The following MOB2 variants were observed in gnomAD, a reference collection of about 807,000 sequenced individuals.
The protein encoded by MOB2 is MOB kinase activator 2.
Under a neutral mutation model 27.4 loss-of-function variants are expected in MOB2, and 14 were observed. The observed-to-expected ratio is 0.51, with a 90% CI of 0.34 to 0.80. The LOEUF (loss-of-function observed/expected upper bound fraction) is 0.80. MOB2 is among the 30% of genes least tolerant of loss of function. The probability of loss-of-function intolerance (pLI) is 0.01; values close to 1 mark genes in which losing one functional copy is unlikely to be tolerated. For synonymous variants in MOB2, 167 were observed against 151.8 expected, an observed-to-expected ratio of 1.10 and a Z score of -0.74; for missense variants, 304 against 354.6, an observed-to-expected ratio of 0.86 and a Z score of 1.15.
intron 3 of MOB2, chr11:1,472,379 A>G (rs11029890): frequency 0.62 from 93,883 of 152,268 alleles, 29,890 homozygotes; most frequent in African/African-American, 0.74. Flanking sequence ...AGCCAACACT[A>G]TGGGTCGGGA....
At chr11:1,477,823 A>G (rs1350923125) in intron 3 of MOB2, among the ~76,000 whole-genome samples, 1 of 152,228 alleles carries the variant, frequency 6.6e-6, no homozygotes, top group Non-Finnish European at 1.5e-5. Context: ...TGTAAACACC[A>G]GAGAGTTGGT....
chr11:1,471,130 C>G (rs560856698), intron 4 of MOB2, among the ~76,000 whole-genome samples, 165 bp downstream of exon 4: 1 of 152,368 alleles, frequency 6.6e-6, no homozygotes, highest in Admixed American at 6.5e-5. Context: ...CCGGCCTCAC[C>G]CCACAGCCCA....
At chr11:1,471,556 C>A (rs1401234186) in intron 3 of MOB2, 137 bp from the exon 4 acceptor site, 3 of 1,026,942 alleles carry the variant, frequency 2.9e-6, no homozygotes, top group Non-Finnish European at 4.3e-6. Context: ...GTCTCCCTCC[C>A]TGGACATGCA....
At chr11:1,483,770 C>T (rs1385517596) in intron 1 of MOB2, among the ~76,000 whole-genome samples, 1 of 152,242 alleles carries the variant, frequency 6.6e-6, no homozygotes, top group Non-Finnish European at 1.5e-5. Context: ...CAGTCGGCCT[C>T]CTTGGCACCC....
intron 3 of MOB2, among the ~76,000 whole-genome samples, chr11:1,478,720 G>T (rs1009683728): frequency 6.6e-6 from 1 of 152,218 alleles, no homozygotes; most frequent in African/African-American, 2.4e-5. Context: ...TTTGTGGGAA[G>T]TTCTCAGCCA....
intron 3 of MOB2, 88 bp downstream of exon 3, chr11:1,480,305 C>T (rs1020979601): frequency 8.1e-7 from 1 of 1,237,206 alleles, no homozygotes; most frequent in Non-Finnish European, 1.2e-6. Context: ...AGAACGGAAT[C>T]TGAGAGGACA....
At chr11:1,477,015 A>G (rs1847859158) in intron 3 of MOB2, among the ~76,000 whole-genome samples, 1 of 152,124 alleles carries the variant, frequency 6.6e-6, no homozygotes, top group East Asian at 1.9e-4. Flanking sequence ...CTTGGTGGCT[A>G]ATCTTTGTGA....
chr11:1,477,104 G>T (rs1269749653), intron 3 of MOB2, among the ~76,000 whole-genome samples: 1 of 152,136 alleles, frequency 6.6e-6, no homozygotes, highest in South Asian at 2.1e-4. Flanking sequence ...GGGGTCATCG[G>T]GCTCCGTGCT....
At chr11:1,479,385 C>T (rs1847885299) in intron 3 of MOB2, among the ~76,000 whole-genome samples, 1 of 152,256 alleles carries the variant, frequency 6.6e-6, no homozygotes, top group Admixed American at 6.5e-5. Flanking sequence ...GCCATAAGCA[C>T]TGTCCCCATC....
intron 3 of MOB2, among the ~76,000 whole-genome samples, chr11:1,478,254 C>T (rs746071215): frequency 5.3e-5 from 8 of 152,310 alleles, no homozygotes; most frequent in Middle Eastern, 3.4e-3. Flanking sequence ...GCCCTGGGAA[C>T]GGCACTGCAC....
rs1564911054 is a variant in MOB2, at chr11:1,480,950, G to T, written c.111-65C>A. On this transcript the variant is annotated intron_variant, in intron 1 of 4. Transcript: ENST00000329957. ...ATCAGACCCAGGGTCTGCCCGGGGGGTCAGTTGTGGCCAGCGCAGGTGTAG... is the reference window on the plus strand; with the variant it reads ...ATCAGACCCAGGGTCTGCCCGGGGGTTCAGTTGTGGCCAGCGCAGGTGTAG... 6 of 1,532,330 alleles carry T rather than the reference G, an allele frequency of 3.9e-6. No homozygotes were observed. In the African/African-American group the frequency reaches 8.2e-5, roughly 21 times the overall value. The allele number at this position is 1,532,330 out of a possible 1,614,324, so 94.9% of individuals were successfully genotyped here.
chr11:1,486,753 T>G lies in MOB2; in HGVS notation c.-197A>C, dbSNP rs1590769718. 1.8e-6 allele frequency: 1 copy of G among 569,306 alleles called. No individual in the cohort carries two copies. The highest frequency in any genetic ancestry group is 3.1e-6 in the Non-Finnish European group (1 of 317,690). The allele number at this position is 569,306 out of a possible 1,614,324, so 35.3% of individuals were successfully genotyped here. On this transcript the variant is annotated 5_prime_UTR_variant, in exon 1 of 5. Transcript: ENST00000329957. ...ACGAGGGAGCGTCTGAATTGGCCTT[T>G]TCCAAGTGGCATGGCTGCCAGAAGA... is the stretch of plus-strand genomic sequence containing the variant.
At chr11:1,481,006 C>A (rs979781985) in intron 1 of MOB2, 121 bp from the exon 2 acceptor site, 1 of 1,212,614 alleles carries the variant, frequency 8.2e-7, no homozygotes, top group Non-Finnish European at 1.1e-6. Context: ...CGGGGCGACA[C>A]TGCCTCCCTG....
chr11:1,486,030 G>A (rs755661138), intron 1 of MOB2, among the ~76,000 whole-genome samples: 170 of 152,354 alleles, frequency 1.1e-3, no homozygotes, highest in Non-Finnish European at 1.9e-3. Context: ...ACAAACAGCC[G>A]CACGCTGGGA....
intron 1 of MOB2, among the ~76,000 whole-genome samples, chr11:1,483,707 G>A (rs1847940277): frequency 6.6e-6 from 1 of 152,344 alleles, no homozygotes; most frequent in Admixed American, 6.5e-5. Context: ...GGTCCTTTAA[G>A]AGCCTGTCAA....
chr11:1,484,079 A>G (rs938079112), intron 1 of MOB2, among the ~76,000 whole-genome samples: 1 of 152,182 alleles, frequency 6.6e-6, no homozygotes, highest in Non-Finnish European at 1.5e-5. Context: ...TCATTATCAC[A>G]GGGATGGAAT....
intron 1 of MOB2, among the ~76,000 whole-genome samples, chr11:1,485,979 G>T (rs1228765716): frequency 6.6e-6 from 1 of 152,252 alleles, no homozygotes; most frequent in African/African-American, 2.4e-5. Flanking sequence ...GACAGACTCC[G>T]GGTCACCTCT....
chr11:1,482,669 C>T (rs1847927595), intron 1 of MOB2, among the ~76,000 whole-genome samples: 1 of 152,340 alleles, frequency 6.6e-6, no homozygotes, highest in Admixed American at 6.5e-5. Flanking sequence ...GGCCGGGCCC[C>T]GGAGCTTAGT....
At chr11:1,473,629 C>T (rs753997709) in intron 3 of MOB2, among the ~76,000 whole-genome samples, 2 of 152,244 alleles carry the variant, frequency 1.3e-5, no homozygotes, top group Admixed American at 6.5e-5. Context: ...CCCTTTTCCA[C>T]AATGCAAACC....
Sources: allele counts gnomAD v4.1 joint callset (sites outside exome capture counted in the v4.1 genomes callset), GRCh38; gene constraint gnomAD v4.1.1; transcripts MANE v1.5; gene names NCBI Gene and HGNC (gene_info 2026-07-23, HGNC 2026-07-21).